Variants in C9orf43 observed in about 807,000 individuals in gnomAD.
C9orf43 encodes chromosome 9 open reading frame 43.
In C9orf43, 45 loss-of-function variants were observed where a neutral mutation model predicts 59.1. The observed-to-expected ratio is 0.76, with a 90% CI of 0.60 to 0.98. C9orf43 has a LOEUF of 0.98. C9orf43 is among the 50% of genes least tolerant of loss of function. The pLI is 0.00. For synonymous variants in C9orf43, 203 were observed against 196.8 expected (o/e 1.03, Z -0.26); for missense variants, 533 against 554.9 (o/e 0.96, Z 0.40).
In C9orf43 at chr9:113,425,362, A is replaced by AGTG; in HGVS notation, c.885_886insTGG (p.Gln295_Arg296insTrp). On this transcript the variant is annotated inframe_insertion, in exon 10 of 14. Coordinates refer to ENST00000374165, the MANE Select transcript of C9orf43 (RefSeq NM_001278629.2). ...TCACCAGGTTACAGGAAACAGCAGC[A>AGTG]GCGGCAGCAGCAGCAGCAGCAGCAA... 1 of 1,608,366 alleles carries AGTG rather than the reference A, an allele frequency of 6.2e-7. No homozygotes were observed. Among genetic ancestry groups the AGTG allele is most frequent in the Middle Eastern group, 1.7e-4 (1 of 5,942 alleles).
intron 4 of C9orf43, chr9:113,420,842 T>C: frequency 1.0e-6 from 1 of 953,028 alleles, no homozygotes. Context: ...TGGGATTGGA[T>C]TGGGAGTTGC....
intron 11 of C9orf43, among the ~76,000 whole-genome samples, chr9:113,426,443 C>T (rs1279483156): frequency 3.9e-5 from 6 of 152,156 alleles, no homozygotes; most frequent in African/African-American, 1.4e-4. Flanking sequence ...ATCGTTGTGC[C>T]CGTCTCAGAC....
chr9:113,427,577 T>G (rs1828838537), intron 11 of C9orf43, among the ~76,000 whole-genome samples: 2 of 152,212 alleles, frequency 1.3e-5, no homozygotes, highest in Non-Finnish European at 2.9e-5. Flanking sequence ...TTTGTTTGTT[T>G]TTTAAAGCTC....
At chr9:113,426,217 A>G (rs185328709) in intron 11 of C9orf43, among the ~76,000 whole-genome samples, 1 of 152,268 alleles carries the variant, frequency 6.6e-6, no homozygotes, top group East Asian at 1.9e-4. Context: ...TAAAATCAAC[A>G]CATTGTCTAG....
intron 3 of C9orf43, among the ~76,000 whole-genome samples, chr9:113,418,501 T>C (rs1034474384): frequency 6.6e-6 from 1 of 152,218 alleles, no homozygotes; most frequent in Admixed American, 6.5e-5. Context: ...ATACCAATGG[T>C]AAAGTTTAAT....
intron 4 of C9orf43, 49 bp downstream of exon 4, chr9:113,419,214 G>A (rs950102512): frequency 7.2e-7 from 1 of 1,388,934 alleles, no homozygotes; most frequent in Non-Finnish European, 1.0e-6. Flanking sequence ...TTCTTTACTA[G>A]TGGAAATAAA....
At chr9:113,411,920 C>G (rs1017202165) in intron 1 of C9orf43, among the ~76,000 whole-genome samples, 3 of 152,148 alleles carry the variant, frequency 2.0e-5, no homozygotes, top group African/African-American at 7.2e-5. Flanking sequence ...TCAAGTGATT[C>G]TCCCTCGGCC....
intron 9 of C9orf43, 119 bp from the exon 10 acceptor site, chr9:113,425,225 C>G: frequency 6.7e-7 from 1 of 1,495,906 alleles, no homozygotes; most frequent in African/African-American, 1.4e-5. Context: ...TTTCAGGAAG[C>G]AGCCCCTCTG....
rs1204827393 is a variant in C9orf43, at chr9:113,429,429, C to T, written c.*43C>T. Reference sequence around the variant, plus strand: ...AGACTGAAGGCATCCCCTGGGGCAGCCGTGTTCCAAAGCGGGATGGCTGGT... The same window carrying T: ...AGACTGAAGGCATCCCCTGGGGCAGTCGTGTTCCAAAGCGGGATGGCTGGT... On this transcript the variant is annotated 3_prime_UTR_variant, in exon 14 of 14. Transcript: ENST00000374165. 1 of 1,574,612 alleles carries T rather than the reference C, an allele frequency of 6.4e-7. No homozygotes were observed. The highest frequency in any genetic ancestry group is 8.7e-7 in the Non-Finnish European group (1 of 1,148,384).
intron 1 of C9orf43, among the ~76,000 whole-genome samples, chr9:113,411,325 TCTCA>T (rs1216778234): frequency 6.6e-6 from 1 of 151,300 alleles, no homozygotes; most frequent in South Asian, 2.1e-4. Flanking sequence ...TTTGAGACAG[TCTCA>T]CTCTGTCGCC....
At chr9:113,426,854 C>T (rs1168783792) in intron 11 of C9orf43, among the ~76,000 whole-genome samples, 2 of 152,174 alleles carry the variant, frequency 1.3e-5, no homozygotes, top group Admixed American at 6.5e-5. Context: ...GTGGCCTGTC[C>T]TCACTGAGTT....
At chr9:113,422,682 C>G in intron 6 of C9orf43, 97 bp downstream of exon 6, 1 of 1,397,292 alleles carries the variant, frequency 7.2e-7, no homozygotes, top group Middle Eastern at 1.8e-4. Flanking sequence ...CCCGTTCTTT[C>G]CTGAAATGAT....
intron 13 of C9orf43, 44 bp from the exon 14 acceptor site, chr9:113,429,128 G>T: frequency 6.3e-7 from 1 of 1,585,008 alleles, no homozygotes; most frequent in South Asian, 1.1e-5. Flanking sequence ...TGTTGTAGTT[G>T]AGAGGAGTTT....
At chr9:113,425,773 A>G (rs774211483) in intron 11 of C9orf43, 43 bp downstream of exon 11, 1 of 1,484,338 alleles carries the variant, frequency 6.7e-7, no homozygotes, top group South Asian at 1.1e-5. Flanking sequence ...AGGATCCCTG[A>G]GGGGTAGGTA....
At chr9:113,426,257 T>G (rs1221754722) in intron 11 of C9orf43, among the ~76,000 whole-genome samples, 1 of 152,192 alleles carries the variant, frequency 6.6e-6, no homozygotes, top group Non-Finnish European at 1.5e-5. Flanking sequence ...AGCCAACTCT[T>G]GTCAGGCAGT....
intron 5 of C9orf43, among the ~76,000 whole-genome samples, chr9:113,421,606 T>C (rs969678220): frequency 3.4e-4 from 51 of 152,222 alleles, no homozygotes; most frequent in Middle Eastern, 3.4e-3. Context: ...AGCAATAGCA[T>C]ATAGGACTTG....
intron 10 of C9orf43, 106 bp from the exon 11 acceptor site, chr9:113,425,537 C>G: frequency 6.8e-7 from 1 of 1,481,242 alleles, no homozygotes; most frequent in Non-Finnish European, 9.2e-7. Flanking sequence ...ATAAAAAGTT[C>G]TTGTCTGGTT....
rs1416595880 is a variant in C9orf43, at chr9:113,429,256, A to G, written c.1256A>G (p.Gln419Arg). The part of the protein sequence containing the change: ...DAVPEAQAAR[Q>R]KKISFNFSEI... Reference sequence around the variant, plus strand: ...GTGCCAGAAGCCCAGGCTGCCAGGCAAAAGAAGATCTCCTTTAACTTTTCA... The same window carrying G: ...GTGCCAGAAGCCCAGGCTGCCAGGCGAAAGAAGATCTCCTTTAACTTTTCA... The change falls in exon 14 of 14, where the codon CAA (glutamine) becomes CGA (arginine). Residue 419 changes from glutamine to arginine, a missense_variant. Coordinates refer to ENST00000374165, the MANE Select transcript of C9orf43 (RefSeq NM_001278629.2). 10 of 1,614,262 alleles carry G rather than the reference A, an allele frequency of 6.2e-6. No homozygotes were observed. Among genetic ancestry groups the G allele is most frequent in the Non-Finnish European group, 7.6e-6 (9 of 1,180,042 alleles).
At chr9:113,426,033 TCAGGAGAGGAACAAGCC>T (rs1426131123) in intron 11 of C9orf43, among the ~76,000 whole-genome samples, 1 of 152,134 alleles carries the variant, frequency 6.6e-6, no homozygotes, top group Non-Finnish European at 1.5e-5. Flanking sequence ...ACTTTGAGGA[TCAGGAGAGGAACAAGCC>T]CAGGTTACTG....
Sources: gnomAD v4.1 joint callset for allele counts (sites outside exome capture counted in the v4.1 genomes callset) on GRCh38, gnomAD v4.1.1 for gene constraint, MANE v1.5 for transcripts, NCBI Gene and HGNC (gene_info 2026-07-23, HGNC 2026-07-21) for gene names.